DLC1: variants seen among roughly 807,000 people sequenced by gnomAD.
DLC1 encodes the protein rho GTPase-activating protein 7.
Under a neutral mutation model 140.3 loss-of-function variants are expected in DLC1, and 54 were observed. The observed-to-expected ratio is 0.38, with a 90% CI of 0.31 to 0.48. DLC1 has a LOEUF of 0.48. Ranked by LOEUF, DLC1 falls within the 20% of genes least tolerant of loss-of-function variation. The pLI is 0.96. For synonymous variants in DLC1, 986 were observed against 728.1 expected (o/e 1.35, Z -5.70); for missense variants, 2,536 against 1,907.0 (o/e 1.33, Z -6.14).
intron 1 of DLC1, among the ~76,000 whole-genome samples, chr8:13,581,123 A>T (rs1805081845): frequency 6.6e-6 from 1 of 152,238 alleles, no homozygotes; most frequent in African/African-American, 2.4e-5. Flanking sequence ...CTTTGCAAGG[A>T]ATTAAGACAT....
chr8:13,174,104 A>G (rs1047355162), intron 5 of DLC1, among the ~76,000 whole-genome samples: 5 of 151,820 alleles, frequency 3.3e-5, no homozygotes, highest in African/African-American at 7.3e-5. Context: ...ATGAGTGGGG[A>G]CTGTGGTATT....
At chr8:13,535,768 T>C (rs1162158351) in intron 1 of DLC1, among the ~76,000 whole-genome samples, 2 of 151,980 alleles carry the variant, frequency 1.3e-5, no homozygotes, top group East Asian at 3.9e-4. Flanking sequence ...TTATGCTGTA[T>C]TTTGAAGTAT....
At chr8:13,098,965 G>T (rs1217980682) in intron 9 of DLC1, among the ~76,000 whole-genome samples, 1 of 152,060 alleles carries the variant, frequency 6.6e-6, no homozygotes, top group Non-Finnish European at 1.5e-5. Flanking sequence ...CTGCTTGCTG[G>T]CATCTTATCT....
chr8:13,178,052 G>C (rs890160304), intron 5 of DLC1, among the ~76,000 whole-genome samples: 3 of 152,070 alleles, frequency 2.0e-5, no homozygotes, highest in Non-Finnish European at 2.9e-5. Context: ...ATAATTCCCT[G>C]TTTCAGTAAA....
intron 5 of DLC1, among the ~76,000 whole-genome samples, chr8:13,226,549 G>A (rs1828801710): frequency 6.6e-6 from 1 of 152,184 alleles, no homozygotes; most frequent in African/African-American, 2.4e-5. Context: ...CTGGAAATGT[G>A]ATCTTCTCTT....
chr8:13,526,438 C>A (rs1027516027), intron 1 of DLC1, among the ~76,000 whole-genome samples: 2 of 152,074 alleles, frequency 1.3e-5, no homozygotes, highest in Non-Finnish European at 2.9e-5. Context: ...ATTCCATGAG[C>A]ATAATGTATT....
intron 2 of DLC1, among the ~76,000 whole-genome samples, chr8:13,418,242 T>A (rs1045971500): frequency 2.6e-5 from 4 of 151,946 alleles, no homozygotes; most frequent in Admixed American, 6.6e-5. Flanking sequence ...GTCAATTTTG[T>A]CTTTTGTTGC....
At chr8:13,581,534 A>G (rs950907057) in intron 1 of DLC1, among the ~76,000 whole-genome samples, 4 of 152,158 alleles carry the variant, frequency 2.6e-5, no homozygotes, top group African/African-American at 9.7e-5. Flanking sequence ...TATTTTCTTC[A>G]TCCAAGATTT....
intron 2 of DLC1, among the ~76,000 whole-genome samples, chr8:13,418,848 A>G (rs1208906075): frequency 1.3e-5 from 2 of 152,182 alleles, no homozygotes; most frequent in African/African-American, 4.8e-5. Flanking sequence ...ACCCATGAGC[A>G]TGGAATTTTC....
chr8:13,595,780 A>T (rs1407279894), intron 1 of DLC1, among the ~76,000 whole-genome samples: 1 of 152,066 alleles, frequency 6.6e-6, no homozygotes, highest in Non-Finnish European at 1.5e-5. Flanking sequence ...CATTATCTTA[A>T]AGAACATCTT....
At chr8:13,256,456 G>A (rs1830231527) in intron 5 of DLC1, among the ~76,000 whole-genome samples, 1 of 152,132 alleles carries the variant, frequency 6.6e-6, no homozygotes, top group South Asian at 2.1e-4. Context: ...CAATAGCAAA[G>A]ACTTGGAACC....
At chr8:13,117,666 G>C (rs1820673256) in intron 5 of DLC1, among the ~76,000 whole-genome samples, 2 of 152,356 alleles carry the variant, frequency 1.3e-5, no homozygotes, top group South Asian at 4.1e-4. Flanking sequence ...TTGTTAAAAA[G>C]TAAATGTGCT....
intron 12 of DLC1, among the ~76,000 whole-genome samples, chr8:13,093,276 GTACAAAA>G: frequency 6.6e-6 from 1 of 152,252 alleles, no homozygotes; most frequent in Non-Finnish European, 1.5e-5. Context: ...TCAGCCTTGA[GTACAAAA>G]TGTTCAGTAT....
At chr8:13,172,796 G>C (rs1003316882) in intron 5 of DLC1, among the ~76,000 whole-genome samples, 5 of 152,142 alleles carry the variant, frequency 3.3e-5, no homozygotes, top group African/African-American at 1.2e-4. Context: ...AGGAAAGTGG[G>C]AATCAGCTCT....
intron 2 of DLC1, among the ~76,000 whole-genome samples, chr8:13,485,153 T>A (rs1436162809): frequency 6.6e-6 from 1 of 152,172 alleles, no homozygotes; most frequent in Non-Finnish European, 1.5e-5. Context: ...TACTTTCTTT[T>A]AATAGCAGGG....
chr8:13,090,175 G>A lies in DLC1; in HGVS notation c.4074+77C>T, dbSNP rs1817923607. ...TACAGATCCCCAGACAGATTAGTTG[G>A]CAAAAGCGTGTTATCTCTGATGGAC... On this transcript the variant is annotated intron_variant, in intron 15 of 17. Coordinates refer to ENST00000276297, the MANE Select transcript of DLC1 (RefSeq NM_182643.3). 17 of 1,404,278 alleles carry A rather than the reference G, an allele frequency of 1.2e-5. No individual in the cohort carries two copies. In the Admixed American group the frequency reaches 2.9e-4, roughly 24 times the overall value. 87.0% of individuals were successfully genotyped at this position (1,404,278 alleles called of 1,614,324 possible).
intron 5 of DLC1, among the ~76,000 whole-genome samples, chr8:13,172,039 G>A (rs187890948): frequency 2.6e-5 from 4 of 152,076 alleles, no homozygotes; most frequent in Non-Finnish European, 4.4e-5. Flanking sequence ...TTAAAAAGTC[G>A]ATCATTATAA....
intron 5 of DLC1, among the ~76,000 whole-genome samples, chr8:13,213,621 T>A (rs1483345762): frequency 6.6e-6 from 1 of 152,180 alleles, no homozygotes; most frequent in Non-Finnish European, 1.5e-5. Flanking sequence ...CATAGCAGCT[T>A]CCTTTTCCCT....
At chr8:13,260,689 A>T (rs956253480) in intron 5 of DLC1, among the ~76,000 whole-genome samples, 1 of 152,244 alleles carries the variant, frequency 6.6e-6, no homozygotes, top group African/African-American at 2.4e-5. Context: ...TGTAACTATT[A>T]TATCATTTAT....
Sources: allele counts gnomAD v4.1 joint callset (sites outside exome capture counted in the v4.1 genomes callset), GRCh38; gene constraint gnomAD v4.1.1; transcripts MANE v1.5; gene names NCBI Gene and HGNC (gene_info 2026-07-23, HGNC 2026-07-21).